The following ANOS1 variants were observed in gnomAD, a reference collection of about 807,000 sequenced individuals.
ANOS1 encodes anosmin-1.
ANOS1 carries 6 observed loss-of-function variants against 59.0 expected under a neutral mutation model. The observed-to-expected ratio is 0.10, with a 90% CI of 0.06 to 0.20. ANOS1 has a LOEUF of 0.20. Ranked by LOEUF, ANOS1 falls within the 10% of genes least tolerant of loss-of-function variation. The probability of loss-of-function intolerance (pLI) is 1.00; values close to 1 mark genes in which losing one functional copy is unlikely to be tolerated. For synonymous variants in ANOS1, 217 were observed against 223.4 expected (o/e 0.97, Z 0.25); for missense variants, 433 against 542.3 (o/e 0.80, Z 2.00).
chrX:8,665,139 C>T (rs193021424), intron 2 of ANOS1, among the ~76,000 whole-genome samples: 2 of 111,989 alleles, frequency 1.8e-5, no homozygotes, highest in Admixed American at 1.9e-4. Context: ...ATCCAACGGA[C>T]GCAGCAGTGT....
chrX:8,545,061 C>CAAAAAA (rs759787339), intron 9 of ANOS1, among the ~76,000 whole-genome samples: 12 of 20,439 alleles, frequency 5.9e-4, no homozygotes, highest in African/African-American at 8.4e-4. Flanking sequence ...AGAGAAACTC[C>CAAAAAA]AAAAAAAAAA....
At chrX:8,654,916 G>C (rs1249375738) in intron 2 of ANOS1, among the ~76,000 whole-genome samples, 7 of 112,213 alleles carry the variant, frequency 6.2e-5, no homozygotes, top group African/African-American at 2.3e-4. Context: ...GTCCAAACAC[G>C]AAGTTTCAAT....
At chrX:8,593,102 T>C (rs1930649240) in intron 4 of ANOS1, among the ~76,000 whole-genome samples, 1 of 112,232 alleles carries the variant, frequency 8.9e-6, no homozygotes, top group Non-Finnish European at 1.9e-5. Context: ...TAAAAATTAA[T>C]TCATTAAGTA....
In ANOS1 at chrX:8,554,022, C is replaced by T. The variant is rs376164390; in HGVS notation, c.1284G>A (p.Pro428=). Residue 428 remains proline (P), a synonymous_variant, in exon 9 of 14, where the codon CCG becomes CCA. Coordinates refer to ENST00000262648, the MANE Select transcript of ANOS1 (RefSeq NM_000216.4). Reference sequence around the variant, plus strand: ...GATAGAAGGGAGCTCCGACTTCCAGCGGGCGAGTGGGTCGTCGTCTTTGAA... The same window carrying T: ...GATAGAAGGGAGCTCCGACTTCCAGTGGGCGAGTGGGTCGTCGTCTTTGAA... The part of the protein sequence containing the change: ...LPFQRRRPTR[P]LEVGAPFYQD... 16 of 1,204,673 alleles carry T rather than the reference C, an allele frequency of 1.3e-5. No homozygotes were observed. Among genetic ancestry groups the T allele is most frequent in the Admixed American group, 4.4e-5 (2 of 45,749 alleles).
chrX:8,586,874 T>C (rs1442136409), intron 5 of ANOS1, among the ~76,000 whole-genome samples: 1 of 108,691 alleles, frequency 9.2e-6, no homozygotes, highest in African/African-American at 3.3e-5. Context: ...ATTTTAGTGC[T>C]TAACCCCTTT....
chrX:8,677,076 A>G (rs1932348223), intron 2 of ANOS1, among the ~76,000 whole-genome samples: 1 of 111,798 alleles, frequency 8.9e-6, no homozygotes, highest in Non-Finnish European at 1.9e-5. Flanking sequence ...GCTGTCCAAT[A>G]TTGCAGTTTC....
chrX:8,599,634 A>G (rs5933670), intron 3 of ANOS1, among the ~76,000 whole-genome samples: 40,634 of 110,122 alleles, frequency 0.37, 5,412 homozygotes, highest in South Asian at 0.43. Flanking sequence ...TTGCTTCTCA[A>G]TAGTGATTGA....
At chrX:8,700,309 G>A (rs1181874605) in intron 1 of ANOS1, among the ~76,000 whole-genome samples, 4 of 111,096 alleles carry the variant, frequency 3.6e-5, no homozygotes, top group Non-Finnish European at 5.7e-5. Flanking sequence ...CAATCATGGC[G>A]GAAGGCAAAG....
intron 8 of ANOS1, among the ~76,000 whole-genome samples, chrX:8,567,393 G>A (rs1257912002): frequency 9.9e-5 from 11 of 111,597 alleles, no homozygotes; most frequent in South Asian, 3.7e-4. Context: ...CTATCCACTC[G>A]CGTACATACA....
intron 2 of ANOS1, among the ~76,000 whole-genome samples, chrX:8,650,393 C>T (rs1432121494): frequency 8.9e-6 from 1 of 112,038 alleles, no homozygotes. Flanking sequence ...AATAGAACAA[C>T]AGTAGGCGTT....
intron 2 of ANOS1, among the ~76,000 whole-genome samples, chrX:8,629,607 T>C (rs1378617783): frequency 9.0e-6 from 1 of 111,462 alleles, no homozygotes; most frequent in African/African-American, 3.3e-5. Context: ...CCAATAAGAC[T>C]ATTTCATGTC....
intron 2 of ANOS1, among the ~76,000 whole-genome samples, chrX:8,659,026 C>T (rs1307819174): frequency 1.1e-4 from 12 of 111,486 alleles, no homozygotes. Context: ...GAGTTTGAGA[C>T]CAGTCTGGCC....
At position 8,712,455 on chromosome X, in the gene ANOS1, C is replaced by T. The variant is rs370099437; in HGVS notation, c.208-12710G>A. On this transcript the variant is annotated intron_variant, in intron 1 of 13. Coordinates refer to ENST00000262648, the MANE Select transcript of ANOS1 (RefSeq NM_000216.4). ...AGAGGTGCATTATTCAATCCGGAAG[C>T]GACTAAAATAAATTAAAGCCATGGG... Among the ~76,000 whole-genome samples the T allele has an allele frequency of 4.6e-4, 52 of 112,412 alleles. No individual in the cohort carries two copies. The East Asian group carries it at 7.0e-3, about 15-fold the overall frequency.
chrX:8,701,086 T>C (rs1249450104), intron 1 of ANOS1, among the ~76,000 whole-genome samples: 1 of 111,222 alleles, frequency 9.0e-6, no homozygotes, highest in Non-Finnish European at 1.9e-5. Flanking sequence ...TCCACATAAC[T>C]AAGATTTTGG....
Position 8,731,867 on chromosome X carries a change from T to C in ANOS1, c.170A>G (p.Gln57Arg), listed in dbSNP as rs758149984. 4.7e-5 allele frequency: 56 copies of C among 1,194,581 alleles called. No homozygotes were observed. Among genetic ancestry groups the C allele is most frequent in the Non-Finnish European group, 6.2e-5 (55 of 888,841 alleles). ...GAAGAAGGCGGAGATGCGAGTGATC[T>C]GCAGGCTCAGGCACCTGGAGGCGCA... The part of the protein sequence containing the change: ...ARCASRCLSL[Q>R]ITRISAFFQH... Residue 57 changes from glutamine to arginine, a missense_variant, in exon 1 of 14, where the codon CAG (glutamine) becomes CGG (arginine). Coordinates refer to ENST00000262648, the MANE Select transcript of ANOS1 (RefSeq NM_000216.4).
intron 1 of ANOS1, among the ~76,000 whole-genome samples, chrX:8,703,044 A>G (rs961313893): frequency 3.6e-5 from 4 of 112,120 alleles, no homozygotes; most frequent in Non-Finnish European, 5.6e-5. Flanking sequence ...TCTGGATGAG[A>G]TCAGGGGACC....
chrX:8,552,663 G>A (rs951474721), intron 9 of ANOS1, among the ~76,000 whole-genome samples: 32 of 111,242 alleles, frequency 2.9e-4, no homozygotes, highest in African/African-American at 1.0e-3. Flanking sequence ...TTGTATGCTT[G>A]AGATATTTAC....
intron 2 of ANOS1, among the ~76,000 whole-genome samples, chrX:8,660,477 T>C (rs184871025): frequency 1.8e-5 from 2 of 111,516 alleles, no homozygotes; most frequent in African/African-American, 6.5e-5. Flanking sequence ...CACCTCATTT[T>C]ATGACCAAGA....
At chrX:8,605,972 T>C (rs1273825316) in intron 3 of ANOS1, among the ~76,000 whole-genome samples, 1 of 92,374 alleles carries the variant, frequency 1.1e-5, no homozygotes, top group Non-Finnish European at 2.1e-5. Context: ...TGTATGTGCC[T>C]TGTGGGGGGG....
Sources: allele counts gnomAD v4.1 joint callset (sites outside exome capture counted in the v4.1 genomes callset), GRCh38; gene constraint gnomAD v4.1.1; transcripts MANE v1.5; gene names NCBI Gene and HGNC (gene_info 2026-07-23, HGNC 2026-07-21).